MAP3K10: variants seen among roughly 807,000 people sequenced by gnomAD.
MAP3K10 encodes MKN28 derived nonreceptor_type serine/threonine kinase.
Under a neutral mutation model 75.0 loss-of-function variants are expected in MAP3K10, and 22 were observed. That is an observed-to-expected ratio of 0.29 (90% CI 0.21 to 0.42). The LOEUF is 0.42. Ranked by LOEUF, MAP3K10 falls within the 10% of genes least tolerant of loss-of-function variation. The pLI is 1.00. For missense variants in MAP3K10, 1,165 were observed against 1,379.8 expected (o/e 0.84, Z 2.47); for synonymous variants, 599 against 612.9 (o/e 0.98, Z 0.34).
chr19:40,201,233 C>T (rs1240064033), intron 2 of MAP3K10, among the ~76,000 whole-genome samples: 3 of 148,498 alleles, frequency 2.0e-5, no homozygotes, highest in Admixed American at 1.4e-4. Context: ...AGTACAGCGG[C>T]GCGATCTTGG....
intron 9 of MAP3K10, 145 bp downstream of exon 9, chr19:40,214,366 T>C (rs967001331): frequency 9.5e-7 from 1 of 1,054,178 alleles, no homozygotes. Context: ...CCTTTACCGC[T>C]CACTCCTGGA....
Position 40,193,331 on chromosome 19 carries a change from G to T in MAP3K10, c.682+618G>T, listed in dbSNP as rs150135513. 3.6e-3 allele frequency among the ~76,000 whole-genome samples: 545 copies of T among 152,342 alleles called. 4 individuals are homozygous for T. Among genetic ancestry groups the T allele is most frequent in the African/African-American group, 0.013 (535 of 41,564 alleles). On this transcript the variant is annotated intron_variant, in intron 1 of 9. Transcript: ENST00000253055. ...ATTTCCTGGAGTCTTCATAGGCCGA[G>T]CTGGCCAAGGCAAACTGGAAAAGAT...
intron 1 of MAP3K10, among the ~76,000 whole-genome samples, chr19:40,194,753 A>G (rs1226751788): frequency 1.6e-5 from 1 of 64,332 alleles, no homozygotes; most frequent in African/African-American, 7.1e-5. Context: ...GTAATTCTTA[A>G]GTGCCTACTC....
chr19:40,204,727 T>C lies in MAP3K10; in HGVS notation c.1012+94T>C. ...TCCCCTTCACACCTATCCATACCAG[T>C]GGGCCCAGGAGTGAGGAAGAAGGGG... On this transcript the variant is annotated intron_variant, in intron 3 of 9. Transcript: ENST00000253055. The surrounding 1 kb of genome is among the most constrained non-coding windows in gnomAD (Gnocchi z 4.3). The C allele has an allele frequency of 6.9e-7, 1 of 1,443,238 alleles. No individual in the cohort carries two copies. The allele number at this position is 1,443,238 out of a possible 1,614,324, so 89.4% of individuals were successfully genotyped here.
intron 5 of MAP3K10, among the ~76,000 whole-genome samples, chr19:40,207,755 T>A (rs1973149933): frequency 6.6e-6 from 1 of 152,190 alleles, no homozygotes; most frequent in South Asian, 2.1e-4. Context: ...ATATATTTTT[T>A]AATTTAGCCC....
intron 6 of MAP3K10, among the ~76,000 whole-genome samples, chr19:40,211,754 C>T (rs925160621): frequency 9.2e-5 from 14 of 152,118 alleles, no homozygotes; most frequent in Admixed American, 3.9e-4. Flanking sequence ...GACAGACGCT[C>T]GCTCTGTCTC....
At chr19:40,214,701 G>C (rs1973317577) in intron 9 of MAP3K10, among the ~76,000 whole-genome samples, 1 of 152,086 alleles carries the variant, frequency 6.6e-6, no homozygotes, top group African/African-American at 2.4e-5. Context: ...GGAAGACCAG[G>C]GCTTTGGCCC....
At chr19:40,196,084 C>T (rs1599899441) in intron 1 of MAP3K10, among the ~76,000 whole-genome samples, 1 of 151,732 alleles carries the variant, frequency 6.6e-6, no homozygotes, top group Non-Finnish European at 1.5e-5. Flanking sequence ...AATTCTGTTA[C>T]GAGCCCCATT....
At position 40,192,332 on chromosome 19, in the gene MAP3K10, G is replaced by A. The variant is rs774939471; in HGVS notation, c.301G>A (p.Glu101Lys). ...QEIPFHELQL[E>K]EIIGVGGFGK... ...GATCCCCTTCCACGAGCTGCAGCTA[G>A]AGGAGATCATCGGTGTGGGGGGCTT... The change falls in exon 1 of 10, where the codon GAG becomes AAG. Residue 101 changes from glutamate (E) to lysine (K), a missense_variant. Transcript: ENST00000253055. This position sits in a 1 kb window ranked among gnomAD's most constrained non-coding sequence, Gnocchi z 7.1. The A allele has an allele frequency of 8.1e-6, 13 of 1,612,472 alleles. No individual in the cohort carries two copies. Among genetic ancestry groups the A allele is most frequent in the Non-Finnish European group, 1.1e-5 (13 of 1,179,600 alleles).
intron 6 of MAP3K10, among the ~76,000 whole-genome samples, chr19:40,210,269 AAAAAAC>A (rs1163284243): frequency 2.6e-5 from 4 of 151,982 alleles, no homozygotes; most frequent in African/African-American, 4.8e-5. Context: ...TCCGTCTCAA[AAAAAAC>A]AAAAACAAAA....
chr19:40,207,322 G>C (rs1973141849), intron 5 of MAP3K10, among the ~76,000 whole-genome samples: 1 of 152,060 alleles, frequency 6.6e-6, no homozygotes, highest in Non-Finnish European at 1.5e-5. Flanking sequence ...TTACAAGCCA[G>C]AAAGCAGTGC....
chr19:40,206,168 G>A lies in MAP3K10; in HGVS notation c.1435+11G>A, dbSNP rs764315161. The stretch of plus-strand genomic sequence containing the variant: ...TCAGCCTGCCCTCTGGTACCCACCC[G>A]TGTCCCCAGAGCGCCCCCCAAGAGG... On this transcript the variant is annotated intron_variant, in intron 5 of 9. Transcript: ENST00000253055. The A allele has an allele frequency of 5.7e-6, 9 of 1,589,424 alleles. No individual in the cohort carries two copies. The highest frequency in any genetic ancestry group is 1.1e-5 in the South Asian group (1 of 89,328).
At chr19:40,197,655 CA>C (rs1384155210) in intron 1 of MAP3K10, among the ~76,000 whole-genome samples, 5 of 152,028 alleles carry the variant, frequency 3.3e-5, no homozygotes, top group Non-Finnish European at 5.9e-5. Flanking sequence ...GAAAGAATGG[CA>C]AAGTCTCATG....
In MAP3K10 at chr19:40,215,351, C is replaced by T; in HGVS notation, c.*59C>T. The T allele has an allele frequency of 1.4e-6, 2 of 1,450,752 alleles. No individual in the cohort carries two copies. The highest frequency in any genetic ancestry group is 9.3e-7 in the Non-Finnish European group (1 of 1,078,774). The allele number at this position is 1,450,752 out of a possible 1,614,324, so 89.9% of individuals were successfully genotyped here. A position where few individuals can be genotyped will look rare whatever the true frequency, so the allele number is the denominator to read the frequency against. On this transcript the variant is annotated 3_prime_UTR_variant, in exon 10 of 10. Coordinates refer to ENST00000253055, the MANE Select transcript of MAP3K10 (RefSeq NM_002446.4). ...GAATGTAGCGCCCCAGGCCCTGCCC[C>T]AGCCCGCCATGCCACAAGGTGGGGG...
chr19:40,200,527 A>G (rs550031681), intron 2 of MAP3K10, among the ~76,000 whole-genome samples: 50 of 151,760 alleles, frequency 3.3e-4, no homozygotes, highest in African/African-American at 1.2e-3. Context: ...CAGATCAGAC[A>G]GGAAGTCTCC....
rs1158283378 is a variant in MAP3K10, at chr19:40,211,438, C to A, written c.1553-1367C>A. ...TGTGCAGGTTTGTTACATAGGTAAA[C>A]GTGTGCCATGGTGATTTGCTGCACC... On this transcript the variant is annotated intron_variant, in intron 6 of 9. Transcript: ENST00000253055. Among the ~76,000 whole-genome samples the A allele has an allele frequency of 2.0e-5, 3 of 149,946 alleles. No homozygotes were observed. The East Asian group carries it at 5.9e-4, about 29-fold the overall frequency.
At position 40,205,061 on chromosome 19, in the gene MAP3K10, C is replaced by A; in HGVS notation, c.1013-60C>A. ...GCCTTCCTCTGAGCAGGCTGAGTCC[C>A]CAGAGCATGACCACTGACACCTCCA... On this transcript the variant is annotated intron_variant, in intron 3 of 9. Coordinates refer to ENST00000253055, the MANE Select transcript of MAP3K10 (RefSeq NM_002446.4). The surrounding 1 kb of genome is among the most constrained non-coding windows in gnomAD (Gnocchi z 4.3). The A allele has an allele frequency of 6.6e-7, 1 of 1,505,170 alleles. No homozygotes were observed. Among genetic ancestry groups the A allele is most frequent in the South Asian group, 1.1e-5 (1 of 87,642 alleles). The allele number at this position is 1,505,170 out of a possible 1,614,324, so 93.2% of individuals were successfully genotyped here. A position where few individuals can be genotyped will look rare whatever the true frequency, so the allele number is the denominator to read the frequency against.
At chr19:40,202,426 G>A (rs950082136) in intron 2 of MAP3K10, among the ~76,000 whole-genome samples, 4 of 152,142 alleles carry the variant, frequency 2.6e-5, no homozygotes, top group Non-Finnish European at 5.9e-5. Flanking sequence ...CCGCGGCTTC[G>A]CAGGACAGGG....
chr19:40,202,470 G>A (rs1287484551), intron 2 of MAP3K10, among the ~76,000 whole-genome samples: 2 of 152,206 alleles, frequency 1.3e-5, no homozygotes, highest in Admixed American at 1.3e-4. Flanking sequence ...AGCCTTGCCT[G>A]TCAGGCTGCC....
Sources: allele counts gnomAD v4.1 joint callset (sites outside exome capture counted in the v4.1 genomes callset), GRCh38; gene constraint gnomAD v4.1.1; non-coding constraint Gnocchi (gnomAD v3.1); transcripts MANE v1.5; gene names NCBI Gene and HGNC (gene_info 2026-07-23, HGNC 2026-07-21).